TMC3: variants seen among roughly 807,000 people sequenced by gnomAD.
The protein encoded by TMC3 is transmembrane channel like 3.
A neutral mutation model predicts 110.6 loss-of-function variants in TMC3; 98 were observed. The ratio of observed to expected loss-of-function variants is 0.89; its 90% CI spans 0.75 to 1.05. The LOEUF (loss-of-function observed/expected upper bound fraction) is 1.05, where lower values mean the gene tolerates loss of function less well. Among genes scored for constraint, TMC3 ranks in the 50% least tolerant of loss-of-function variants. The pLI is 0.00. For missense variants in TMC3, 1,319 were observed against 1,373.2 expected (o/e 0.96, Z 0.62); for synonymous variants, 489 against 513.1 (o/e 0.95, Z 0.63).
At position 81,332,644 on chromosome 15, in the gene TMC3, C is replaced by T. The variant is rs1165315602; in HGVS notation, c.3078G>A (p.Leu1026=). The T allele has an allele frequency of 2.5e-6, 4 of 1,614,006 alleles. No homozygotes were observed. The highest frequency in any genetic ancestry group is 4.5e-5 in the East Asian group (2 of 44,878). ...CGAACCTGGGCTTCCCTCTGGGCTT[C>T]AGAGGGGGCTGTGGGTATTGGAAAT... ...SRNFQYPQPP[L]KPRGKPRFEP... Residue 1026 remains leucine (L), a synonymous_variant, in exon 22 of 22, where the codon CTG becomes CTA. Transcript: ENST00000359440.
In TMC3 at chr15:81,334,918, G is replaced by T. The variant is rs1033865073; in HGVS notation, c.2261C>A (p.Thr754Asn). 4 of 1,613,922 alleles carry T rather than the reference G, an allele frequency of 2.5e-6. No homozygotes were observed. Among genetic ancestry groups the T allele is most frequent in the Middle Eastern group, 1.6e-4 (1 of 6,084 alleles). Residue 754 changes from threonine to asparagine, a missense_variant, in exon 21 of 22, where the codon ACC becomes AAC. Coordinates refer to ENST00000359440, the MANE Select transcript of TMC3 (RefSeq NM_001080532.3). ...CGAGTGCGCTGAGGACAGCTGGCTGGTAAGATCACTGTCGTTTGGAAGCTT... is the reference window on the plus strand; with the variant it reads ...CGAGTGCGCTGAGGACAGCTGGCTGTTAAGATCACTGTCGTTTGGAAGCTT... ...TKKLPNDSDL[T>N]SQLSSAHSGT...
At chr15:81,344,159 C>A (rs995536884) in intron 13 of TMC3, 114 bp from the exon 14 acceptor site, 3 of 1,080,534 alleles carry the variant, frequency 2.8e-6, no homozygotes, top group Non-Finnish European at 3.9e-6. Context: ...CAGTGGGCCC[C>A]TCCAATGGCA....
chr15:81,345,112 A>G (rs1893799465), intron 12 of TMC3, 101 bp from the exon 13 acceptor site: 3 of 1,481,410 alleles, frequency 2.0e-6, no homozygotes, highest in Non-Finnish European at 2.7e-6. Flanking sequence ...CAAGGGTGTC[A>G]TTGCATTGCT....
chr15:81,362,396 C>G, intron 3 of TMC3, 95 bp from the exon 4 acceptor site: 1 of 857,382 alleles, frequency 1.2e-6, no homozygotes, highest in Non-Finnish European at 1.8e-6. Flanking sequence ...ACCAGACACT[C>G]CCTCTGGTAC....
At chr15:81,360,015 T>C (rs1894152251) in intron 4 of TMC3, among the ~76,000 whole-genome samples, 1 of 152,066 alleles carries the variant, frequency 6.6e-6, no homozygotes, top group South Asian at 2.1e-4. Context: ...AATTTATATC[T>C]ATTGAGAAAA....
At chr15:81,350,330 A>T (rs1363981530) in intron 10 of TMC3, among the ~76,000 whole-genome samples, 2 of 152,240 alleles carry the variant, frequency 1.3e-5, no homozygotes, top group South Asian at 2.1e-4. Flanking sequence ...GGAAGATGGA[A>T]ATAACTGCAA....
intron 4 of TMC3, among the ~76,000 whole-genome samples, chr15:81,361,567 A>G (rs1054757089): frequency 6.6e-6 from 1 of 152,106 alleles, no homozygotes; most frequent in Non-Finnish European, 1.5e-5. Context: ...TTCCTTCCAT[A>G]TAAGTTTTAT....
chr15:81,337,963 C>G (rs1441223594), intron 18 of TMC3, 39 bp from the exon 19 acceptor site: 2 of 1,526,558 alleles, frequency 1.3e-6, no homozygotes, highest in Admixed American at 3.3e-5. Flanking sequence ...TGGACTGCAA[C>G]TCGCTTTTCT....
rs778706032 is a variant in TMC3 at position 81,344,873 on chromosome 15, C to G, written c.1411G>C (p.Glu471Gln). The G allele has an allele frequency of 6.2e-7, 1 of 1,613,978 alleles. No individual in the cohort carries two copies. Among genetic ancestry groups the G allele is most frequent in the Non-Finnish European group, 8.5e-7 (1 of 1,179,892 alleles). The change falls in exon 13 of 22, where the codon GAA (glutamate) becomes CAA (glutamine). Residue 471 changes from glutamate (E) to glutamine (Q), a missense_variant. Physicochemically the swap from Glu to Gln is conservative, Grantham distance 29 (BLOSUM62 2). Coordinates refer to ENST00000359440, the MANE Select transcript of TMC3 (RefSeq NM_001080532.3). The stretch of plus-strand genomic sequence containing the variant: ...GTATAAGCTGAAATGCTGGTCTCTT[C>G]CAAGGCCCATGTGTTGTTTCTCCTG... ...GLRRNNTWAL[E>Q]ETSISAYTMP...
chr15:81,346,742 G>T (rs1893836763), intron 11 of TMC3, among the ~76,000 whole-genome samples: 1 of 152,176 alleles, frequency 6.6e-6, no homozygotes, highest in South Asian at 2.1e-4. Flanking sequence ...TTTAGGAAGT[G>T]GGGCCCTAAA....
intron 1 of TMC3, 86 bp downstream of exon 1, chr15:81,373,903 G>T: frequency 8.0e-7 from 1 of 1,253,758 alleles, no homozygotes; most frequent in South Asian, 1.3e-5. Context: ...GCAGGACAGG[G>T]ACTTTGTCCC....
Position 81,356,085 on chromosome 15 carries a change from A to G in TMC3, c.892-317T>C, listed in dbSNP as rs545305020. On this transcript the variant is annotated intron_variant, in intron 8 of 21. Transcript: ENST00000359440. ...GTCTCTGAATATTTTTGATTGCATT[A>G]TTTTCTAAGTTAAAAGTAAAAGCCT... Among the ~76,000 whole-genome samples, 31 of 152,230 alleles carry G rather than the reference A, an allele frequency of 2.0e-4. No individual in the cohort carries two copies. In the South Asian group the frequency reaches 5.2e-3, roughly 25 times the overall value.
chr15:81,349,403 G>T, intron 11 of TMC3, 55 bp downstream of exon 11: 1 of 1,170,538 alleles, frequency 8.5e-7, no homozygotes, highest in Non-Finnish European at 1.1e-6. Context: ...CATTCCCACT[G>T]TGGGTGGGCA....
intron 5 of TMC3, 65 bp from the exon 6 acceptor site, chr15:81,358,565 G>A (rs1719899062): frequency 3.0e-6 from 4 of 1,332,454 alleles, no homozygotes; most frequent in Non-Finnish European, 4.2e-6. Flanking sequence ...GAAAATGAGA[G>A]GTTGATCTCC....
intron 20 of TMC3, 131 bp downstream of exon 20, chr15:81,336,478 G>C: frequency 2.5e-6 from 2 of 797,498 alleles, no homozygotes; most frequent in East Asian, 2.6e-5. Context: ...TGAGGCAGGA[G>C]AATCACTTGA....
At chr15:81,344,088 T>C in intron 13 of TMC3, 43 bp from the exon 14 acceptor site, 1 of 1,584,230 alleles carries the variant, frequency 6.3e-7, no homozygotes, top group Non-Finnish European at 8.6e-7. Context: ...GCCCCACCCT[T>C]CCCACGGTCA....
chr15:81,343,178 A>G, intron 15 of TMC3, 100 bp downstream of exon 15: 1 of 646,234 alleles, frequency 1.5e-6, no homozygotes, highest in East Asian at 2.6e-5. Flanking sequence ...CTTAATGCTT[A>G]TGTAACTGTG....
chr15:81,373,806 C>G (rs1894489963), intron 1 of TMC3, among the ~76,000 whole-genome samples, 183 bp downstream of exon 1: 2 of 152,130 alleles, frequency 1.3e-5, no homozygotes, highest in Non-Finnish European at 2.9e-5. Flanking sequence ...GAACCATTTC[C>G]CCCCATGCCC....
intron 15 of TMC3, 40 bp from the exon 16 acceptor site, chr15:81,341,558 T>C (rs2141697045): frequency 6.3e-7 from 1 of 1,588,130 alleles, no homozygotes; most frequent in Non-Finnish European, 8.6e-7. Context: ...CTGTTCTCTT[T>C]CAGCCTATCT....
Sources: allele counts gnomAD v4.1 joint callset (sites outside exome capture counted in the v4.1 genomes callset), GRCh38; gene constraint gnomAD v4.1.1; transcripts MANE v1.5; gene names NCBI Gene and HGNC (gene_info 2026-07-23, HGNC 2026-07-21).